The following CYP4F2 variants were observed in gnomAD, a reference collection of about 807,000 sequenced individuals.
The protein encoded by CYP4F2 is cytochrome P450 4F2.
CYP4F2 carries 58 observed loss-of-function variants against 58.9 expected under a neutral mutation model. The observed-to-expected ratio is 0.98, with a 90% confidence interval of 0.80 to 1.23. The LOEUF (loss-of-function observed/expected upper bound fraction) is 1.23, where lower values mean the gene tolerates loss of function less well. Ranked by LOEUF, CYP4F2 falls within the 50% of genes most tolerant of loss-of-function variation. CYP4F2 has a pLI of 0.00. For missense variants in CYP4F2, 616 were observed against 685.6 expected (o/e 0.90, Z 1.13); for synonymous variants, 287 against 261.1 (o/e 1.10, Z -0.95).
intron 6 of CYP4F2, among the ~76,000 whole-genome samples, chr19:15,889,905 C>T (rs996649650): frequency 2.0e-5 from 3 of 152,100 alleles, no homozygotes; most frequent in Admixed American, 1.3e-4. Flanking sequence ...GCCTCCATGC[C>T]GCTAGGCACC....
At chr19:15,882,921 A>G (rs928132031) in intron 9 of CYP4F2, among the ~76,000 whole-genome samples, 15 of 152,256 alleles carry the variant, frequency 9.9e-5, no homozygotes, top group African/African-American at 2.7e-4. Context: ...AAGAATACAC[A>G]GAAAACTGTT....
intron 9 of CYP4F2, among the ~76,000 whole-genome samples, chr19:15,881,129 A>G (rs1003314140): frequency 6.6e-6 from 1 of 152,228 alleles, no homozygotes; most frequent in African/African-American, 2.4e-5. Context: ...CAGCTACACA[A>G]AAGGAGGAAA....
chr19:15,892,630 G>C lies in CYP4F2; in HGVS notation c.344-48C>G, dbSNP rs376829189. 21 of 1,594,268 alleles carry C rather than the reference G, an allele frequency of 1.3e-5. No homozygotes were observed. In the South Asian group the frequency reaches 2.3e-4, roughly 17 times the overall value. ...GGGGCCATGGAGGCAGGTGAAAGAG[G>C]GACTTTGGGGGTGGGTGGAGGCTCC... On this transcript the variant is annotated intron_variant, in intron 3 of 12. Coordinates refer to ENST00000221700, the MANE Select transcript of CYP4F2 (RefSeq NM_001082.5).
intron 3 of CYP4F2, among the ~76,000 whole-genome samples, chr19:15,892,842 G>A (rs1404483993): frequency 2.0e-5 from 3 of 152,086 alleles, no homozygotes; most frequent in African/African-American, 4.8e-5. Context: ...GCCTTGACAT[G>A]CCTCCTACAC....
intron 3 of CYP4F2, chr19:15,893,806 C>T (rs987106923): frequency 4.0e-6 from 1 of 246,942 alleles, no homozygotes; most frequent in Admixed American, 4.0e-5. Flanking sequence ...CAGGGCCCCA[C>T]CCACCAGCAG....
Position 15,895,525 on chromosome 19 carries a change from C to A in CYP4F2, c.324G>T (p.Arg108=), listed in dbSNP as rs1386770662. 2.0e-6 allele frequency: 3 copies of A among 1,536,468 alleles called. No homozygotes were observed. Among genetic ancestry groups the A allele is most frequent in the Non-Finnish European group, 2.6e-6 (3 of 1,151,660 alleles). ...TGGTACCTGAGGCGTTGATGACAGA[C>A]CGGATGATGTCGGGGTGGCACAAAC... ...LLSLCHPDII[R]SVINASAAIA... The change falls in exon 3 of 13, where the codon CGG becomes CGT. Residue 108 remains arginine, a synonymous_variant. Transcript: ENST00000221700.
rs2089374149 is a variant in CYP4F2, at chr19:15,885,802, G to T, written c.1115+122C>A. On this transcript the variant is annotated intron_variant, in intron 9 of 12. Transcript: ENST00000221700. ...TACTAAGTCCTGCCTGTGGTCCTCTGCTCCTATTCCCACTAGGCAATAGTG... is the reference window on the plus strand; with the variant it reads ...TACTAAGTCCTGCCTGTGGTCCTCTTCTCCTATTCCCACTAGGCAATAGTG... 11 of 1,450,366 alleles carry T rather than the reference G, an allele frequency of 7.6e-6. No homozygotes were observed. The South Asian group carries it at 1.2e-4, about 16-fold the overall frequency. 89.8% of individuals were successfully genotyped at this position (1,450,366 alleles called of 1,614,324 possible).
chr19:15,883,292 C>A (rs2089356205), intron 9 of CYP4F2, among the ~76,000 whole-genome samples: 1 of 150,108 alleles, frequency 6.7e-6, no homozygotes, highest in African/African-American at 2.5e-5. Flanking sequence ...GAACTCAAAT[C>A]ATCTTATTTA....
At chr19:15,888,908 A>G (rs2089399041) in intron 7 of CYP4F2, among the ~76,000 whole-genome samples, 1 of 152,254 alleles carries the variant, frequency 6.6e-6, no homozygotes, top group Non-Finnish European at 1.5e-5. Flanking sequence ...ACAGATATAC[A>G]CATACACATA....
intron 1 of CYP4F2, 100 bp downstream of exon 1, chr19:15,897,926 T>A: frequency 3.1e-6 from 1 of 320,704 alleles, no homozygotes. Flanking sequence ...AAACCACCCA[T>A]CCTCCAGGCC....
chr19:15,890,515 C>T (rs2145010018), intron 5 of CYP4F2, 82 bp from the exon 6 acceptor site: 1 of 1,566,206 alleles, frequency 6.4e-7, no homozygotes, highest in East Asian at 2.3e-5. Flanking sequence ...AAGATGGGCT[C>T]CCCAGAATAA....
intron 9 of CYP4F2, among the ~76,000 whole-genome samples, chr19:15,880,366 T>C (rs2089336328): frequency 6.6e-6 from 1 of 152,006 alleles, no homozygotes; most frequent in African/African-American, 2.4e-5. Context: ...TGGTGGCTCA[T>C]GCCTGTAATC....
At chr19:15,883,948 G>A (rs1406947373) in intron 9 of CYP4F2, among the ~76,000 whole-genome samples, 2 of 152,038 alleles carry the variant, frequency 1.3e-5, no homozygotes, top group Non-Finnish European at 2.9e-5. Context: ...AGTCCCAGCT[G>A]CTTGGGAGGC....
At chr19:15,886,478 C>T in intron 7 of CYP4F2, 170 bp from the exon 8 acceptor site, 2 of 793,430 alleles carry the variant, frequency 2.5e-6, no homozygotes, top group Non-Finnish European at 4.0e-6. Context: ...GGCCAGAGCC[C>T]TCACCTCATG....
At position 15,892,566 on chromosome 19, in the gene CYP4F2, C is replaced by A. The variant is rs1007657184; in HGVS notation, c.360G>T (p.Lys120Asn). 1.4e-5 allele frequency: 23 copies of A among 1,613,972 alleles called. No individual in the cohort carries two copies. Among genetic ancestry groups the A allele is most frequent in the Non-Finnish European group, 1.9e-5 (23 of 1,180,002 alleles). ...CCAGGAAGCTGTAGAAGAACTTGTCCTTTGGTGCAATGGCAGCTGACATAA... is the reference window on the plus strand; with the variant it reads ...CCAGGAAGCTGTAGAAGAACTTGTCATTTGGTGCAATGGCAGCTGACATAA... ...VINASAAIAP[K>N]DKFFYSFLEP... Residue 120 changes from lysine to asparagine, a missense_variant, in exon 4 of 13, where the codon AAG becomes AAT. By Grantham distance (94) the Lys-to-Asn change is moderately conservative (BLOSUM62 0). Transcript: ENST00000221700.
At chr19:15,892,662 G>C (rs2089424008) in intron 3 of CYP4F2, 80 bp from the exon 4 acceptor site, 1 of 1,569,412 alleles carries the variant, frequency 6.4e-7, no homozygotes, top group South Asian at 1.2e-5. Context: ...CTCCCAGCAA[G>C]AGGTTTGCAC....
intron 9 of CYP4F2, among the ~76,000 whole-genome samples, chr19:15,883,648 T>C (rs1487285496): frequency 1.3e-5 from 2 of 152,194 alleles, no homozygotes; most frequent in South Asian, 4.1e-4. Context: ...GAAATTTCTA[T>C]CCCAAAGAAA....
chr19:15,890,527 C>A (rs2089410520), intron 5 of CYP4F2, 94 bp from the exon 6 acceptor site: 3 of 1,542,716 alleles, frequency 1.9e-6, no homozygotes, highest in Non-Finnish European at 2.6e-6. Flanking sequence ...CCAGAATAAG[C>A]CTCTTCATCT....
intron 7 of CYP4F2, 146 bp from the exon 8 acceptor site, chr19:15,886,454 C>T: frequency 3.8e-6 from 4 of 1,041,146 alleles, no homozygotes; most frequent in Non-Finnish European, 4.2e-6. Flanking sequence ...TCCTAGACCC[C>T]TCTTGGTCAC....
Sources: gnomAD v4.1 joint callset for allele counts (sites outside exome capture counted in the v4.1 genomes callset) on GRCh38, gnomAD v4.1.1 for gene constraint, MANE v1.5 for transcripts, NCBI Gene and HGNC (gene_info 2026-07-23, HGNC 2026-07-21) for gene names.